ZNF385D: variants seen among roughly 807,000 people sequenced by gnomAD.
The protein encoded by ZNF385D is zinc finger protein 385D.
ZNF385D carries 15 observed loss-of-function variants against 35.8 expected under a neutral mutation model. The ratio of observed to expected loss-of-function variants is 0.42; its 90% CI spans 0.28 to 0.64. The LOEUF (loss-of-function observed/expected upper bound fraction) is 0.64. Ranked by LOEUF, ZNF385D falls within the 30% of genes least tolerant of loss-of-function variation. The pLI, the probability that ZNF385D is intolerant of heterozygous loss-of-function variation, is 0.23. For synonymous variants in ZNF385D, 212 were observed against 186.8 expected (o/e 1.13, Z -1.10); for missense variants, 474 against 494.6 (o/e 0.96, Z 0.39).
chr3:21,461,756 T>C (rs1475773976), intron 4 of ZNF385D, among the ~76,000 whole-genome samples: 1 of 152,208 alleles, frequency 6.6e-6, no homozygotes, highest in Non-Finnish European at 1.5e-5. Context: ...CACTATCAAC[T>C]TGTAGCTGTA....
chr3:21,757,687 A>C (rs2070409163), intron 3 of ZNF385D, among the ~76,000 whole-genome samples: 1 of 152,208 alleles, frequency 6.6e-6, no homozygotes, highest in Non-Finnish European at 1.5e-5. Context: ...ACATTCTAGA[A>C]TTCTTTATAT....
intron 3 of ZNF385D, among the ~76,000 whole-genome samples, chr3:22,085,083 G>A (rs555083486): frequency 6.6e-6 from 1 of 152,338 alleles, no homozygotes; most frequent in African/African-American, 2.4e-5. Context: ...GCAGTGTGTA[G>A]AGGGAAATTT....
intron 3 of ZNF385D, among the ~76,000 whole-genome samples, chr3:22,109,670 G>A (rs1702407080): frequency 6.6e-6 from 1 of 152,010 alleles, no homozygotes; most frequent in African/African-American, 2.4e-5. Context: ...TATGAATCTG[G>A]GTGCTCCTGT....
intron 3 of ZNF385D, among the ~76,000 whole-genome samples, chr3:21,919,076 T>G (rs1700329753): frequency 1.3e-5 from 2 of 152,218 alleles, no homozygotes; most frequent in African/African-American, 4.8e-5. Flanking sequence ...CTAATAACAT[T>G]TGTTTGAAGA....
intron 1 of ZNF385D, among the ~76,000 whole-genome samples, chr3:21,722,816 A>G (rs886321423): frequency 3.3e-5 from 5 of 152,218 alleles, no homozygotes; most frequent in African/African-American, 1.2e-4. Context: ...TGCCTTCTAC[A>G]GTGTATCTAC....
intron 2 of ZNF385D, among the ~76,000 whole-genome samples, chr3:22,245,649 C>G (rs186277330): frequency 6.7e-6 from 1 of 149,242 alleles, no homozygotes; most frequent in Non-Finnish European, 1.5e-5. Context: ...AGACAATAGA[C>G]GGGTGTGTGC....
intron 3 of ZNF385D, among the ~76,000 whole-genome samples, chr3:21,951,796 C>T (rs992596584): frequency 6.6e-6 from 1 of 151,630 alleles, no homozygotes; most frequent in South Asian, 2.1e-4. Context: ...AAATTATTGG[C>T]TTAAAGGTAG....
chr3:21,745,756 C>G (rs2069738821), intron 1 of ZNF385D, among the ~76,000 whole-genome samples: 1 of 152,158 alleles, frequency 6.6e-6, no homozygotes, highest in African/African-American at 2.4e-5. Context: ...ATGGAAACAT[C>G]CCTTTCTCAA....
At chr3:21,578,574 A>G (rs2063560657) in intron 2 of ZNF385D, among the ~76,000 whole-genome samples, 1 of 152,088 alleles carries the variant, frequency 6.6e-6, no homozygotes, top group African/African-American at 2.4e-5. Context: ...TCCCTGTATC[A>G]TTTATCTAAG....
intron 3 of ZNF385D, among the ~76,000 whole-genome samples, chr3:21,826,785 A>C (rs1378161737): frequency 6.6e-6 from 1 of 151,038 alleles, no homozygotes; most frequent in African/African-American, 2.4e-5. Flanking sequence ...ACATAAACAG[A>C]GAAAACATTG....
At position 22,210,353 on chromosome 3, in the gene ZNF385D, C is replaced by T. The variant is rs574334346; in HGVS notation, c.107-41318G>A. On this transcript the variant is annotated intron_variant, in intron 2 of 5. Transcript: ENST00000494108. Reference sequence around the variant, plus strand: ...AATTTGAATGGTGGTTCTATACTTACGTCTTGGAAGGAAAAGAGGCAACCA... The same window carrying T: ...AATTTGAATGGTGGTTCTATACTTATGTCTTGGAAGGAAAAGAGGCAACCA... 1.8e-4 allele frequency among the ~76,000 whole-genome samples: 28 copies of T among 151,818 alleles called. No homozygotes were observed. In the East Asian group the frequency reaches 4.1e-3, roughly 22 times the overall value.
At chr3:21,479,978 C>A (rs1704502392) in intron 4 of ZNF385D, among the ~76,000 whole-genome samples, 1 of 152,216 alleles carries the variant, frequency 6.6e-6, no homozygotes, top group Middle Eastern at 3.4e-3. Flanking sequence ...GAGATTAGAA[C>A]TATCTGCTTT....
intron 1 of ZNF385D, among the ~76,000 whole-genome samples, chr3:21,739,460 C>T (rs1050614421): frequency 9.2e-5 from 14 of 152,098 alleles, no homozygotes; most frequent in Non-Finnish European, 1.8e-4. Context: ...TGCAGCCGCC[C>T]TCATAAGTTG....
chr3:21,633,661 G>A (rs914562428), intron 2 of ZNF385D, among the ~76,000 whole-genome samples: 8 of 151,960 alleles, frequency 5.3e-5, no homozygotes, highest in African/African-American at 1.9e-4. Context: ...AGTTATTTAG[G>A]CAATCAATAA....
intron 3 of ZNF385D, among the ~76,000 whole-genome samples, chr3:21,974,100 C>T (rs1012653439): frequency 2.6e-5 from 4 of 151,708 alleles, no homozygotes; most frequent in African/African-American, 9.7e-5. Context: ...CACAAAAGTC[C>T]CAGAATAGAC....
chr3:21,767,347 TG>T (rs1407544775), intron 3 of ZNF385D, among the ~76,000 whole-genome samples: 1 of 150,912 alleles, frequency 6.6e-6, no homozygotes, highest in Non-Finnish European at 1.5e-5. Flanking sequence ...TTAGCTCAAC[TG>T]CCACTTGTCT....
intron 3 of ZNF385D, among the ~76,000 whole-genome samples, chr3:21,762,165 C>T (rs553022958): frequency 1.3e-4 from 20 of 152,104 alleles, no homozygotes; most frequent in Non-Finnish European, 2.8e-4. Flanking sequence ...GCGTGAGTCG[C>T]TGTGCTCAGT....
chr3:22,111,888 G>A (rs1702555958), intron 3 of ZNF385D, among the ~76,000 whole-genome samples: 1 of 152,116 alleles, frequency 6.6e-6, no homozygotes, highest in African/African-American at 2.4e-5. Context: ...AAACTACTGA[G>A]AAGTGAAAAG....
chr3:21,673,509 T>C (rs1034435980), intron 1 of ZNF385D, among the ~76,000 whole-genome samples: 3 of 152,146 alleles, frequency 2.0e-5, no homozygotes, highest in African/African-American at 7.2e-5. Context: ...CTGGGTCCTT[T>C]GACTTTTCAG....
Sources: allele counts gnomAD v4.1 joint callset (sites outside exome capture counted in the v4.1 genomes callset), GRCh38; gene constraint gnomAD v4.1.1; transcripts MANE v1.5; gene names NCBI Gene and HGNC (gene_info 2026-07-23, HGNC 2026-07-21).